The following TTC1 variants were observed in gnomAD, a reference collection of about 807,000 sequenced individuals.
TTC1 encodes the protein tetratricopeptide repeat protein 1.
TTC1 carries 31 observed loss-of-function variants against 37.6 expected under a neutral mutation model. The ratio of observed to expected loss-of-function variants is 0.82; its 90% CI spans 0.62 to 1.11. TTC1 has a LOEUF of 1.11. Ranked by LOEUF, TTC1 falls within the 50% of genes most tolerant of loss-of-function variation. The pLI is 0.00. For synonymous variants in TTC1, 127 were observed against 122.4 expected (o/e 1.04, Z -0.25); for missense variants, 351 against 339.0 (o/e 1.04, Z -0.28).
chr5:160,032,137 C>G (rs1756921774), intron 2 of TTC1, among the ~76,000 whole-genome samples: 1 of 152,196 alleles, frequency 6.6e-6, no homozygotes, highest in South Asian at 2.1e-4. Flanking sequence ...TGATTGGTCT[C>G]CTAAAACATG....
chr5:160,049,692 C>A, intron 6 of TTC1, 30 bp downstream of exon 6: 1 of 1,497,368 alleles, frequency 6.7e-7, no homozygotes, highest in Admixed American at 2.4e-5. Context: ...AAATATTTTT[C>A]CTTCTATTCT....
intron 7 of TTC1, among the ~76,000 whole-genome samples, chr5:160,058,376 A>G (rs907073522): frequency 1.3e-4 from 20 of 149,984 alleles, no homozygotes; most frequent in African/African-American, 4.9e-4. Context: ...TATTTTGACC[A>G]TCTCAGCAGC....
chr5:160,029,481 CAAAAAAAA>C (rs61227502), intron 2 of TTC1, among the ~76,000 whole-genome samples: 16 of 79,858 alleles, frequency 2.0e-4, no homozygotes, highest in Non-Finnish European at 3.6e-4. Context: ...CCCATCTCTA[CAAAAAAAA>C]AAAAAAAAAA....
intron 3 of TTC1, among the ~76,000 whole-genome samples, chr5:160,036,178 C>T (rs555463877): frequency 1.8e-4 from 27 of 152,178 alleles, no homozygotes; most frequent in African/African-American, 6.0e-4. Context: ...TTACATTGTT[C>T]CTTTTAGCTC....
In TTC1 at chr5:160,065,027, T is replaced by TC. The variant is rs1229835161; in HGVS notation, c.843dup (p.Ile282HisfsTer9). ...ACAGGATTCCTCTACCGGCTCGTACTCCATCAATTTCGTTCAAAATCCAAA... is the reference window on the plus strand; with the variant it reads ...ACAGGATTCCTCTACCGGCTCGTACTCCCATCAATTTCGTTCAAAATCCAAA... On this transcript the variant is annotated frameshift_variant, in exon 8 of 8. Transcript: ENST00000231238. LOFTEE classifies it high-confidence loss of function. 7 of 1,612,832 alleles carry TC rather than the reference T, an allele frequency of 4.3e-6. No individual in the cohort carries two copies. Among genetic ancestry groups the TC allele is most frequent in the Non-Finnish European group, 5.1e-6 (6 of 1,179,844 alleles).
chr5:160,031,006 AT>A (rs1229643357), intron 2 of TTC1, among the ~76,000 whole-genome samples: 1 of 152,180 alleles, frequency 6.6e-6, no homozygotes, highest in Non-Finnish European at 1.5e-5. Context: ...ACTATCTATC[AT>A]ATCTATCCTT....
At position 160,065,493 on chromosome 5, in the gene TTC1, C is replaced by T; in HGVS notation, c.*428C>T. ...CCTGATCACACAGCTAACGAGGCTGCCTCCAGCATTTCCTGATTTCCTCTG... is the reference window on the plus strand; with the variant it reads ...CCTGATCACACAGCTAACGAGGCTGTCTCCAGCATTTCCTGATTTCCTCTG... On this transcript the variant is annotated 3_prime_UTR_variant, in exon 8 of 8. Transcript: ENST00000231238. The T allele has an allele frequency of 4.6e-6, 2 of 436,776 alleles. No individual in the cohort carries two copies. The highest frequency in any genetic ancestry group is 1.4e-4 in the East Asian group (2 of 14,238). 27.1% of individuals were successfully genotyped at this position (436,776 alleles called of 1,614,324 possible).
intron 2 of TTC1, among the ~76,000 whole-genome samples, chr5:160,024,582 A>C (rs1261248745): frequency 6.6e-6 from 1 of 152,116 alleles, no homozygotes; most frequent in Non-Finnish European, 1.5e-5. Flanking sequence ...CTGCAGCCTC[A>C]AACTTACGGG....
At chr5:160,020,401 C>T (rs745548401) in intron 2 of TTC1, among the ~76,000 whole-genome samples, 1 of 152,146 alleles carries the variant, frequency 6.6e-6, no homozygotes, top group Non-Finnish European at 1.5e-5. Context: ...AGGAATGAAC[C>T]ACCCTGCCTG....
At chr5:160,011,826 A>T (rs923649419) in intron 2 of TTC1, among the ~76,000 whole-genome samples, 2 of 152,086 alleles carry the variant, frequency 1.3e-5, no homozygotes, top group African/African-American at 2.4e-5. Flanking sequence ...GCCACTAAGG[A>T]GCTCACTCAC....
chr5:160,016,272 G>A (rs375199167), intron 2 of TTC1, among the ~76,000 whole-genome samples: 4 of 152,194 alleles, frequency 2.6e-5, no homozygotes, highest in South Asian at 2.1e-4. Flanking sequence ...CAGCTACTTA[G>A]AAGGCTGAGG....
At chr5:160,038,116 A>G (rs1757027808) in intron 4 of TTC1, among the ~76,000 whole-genome samples, 1 of 151,836 alleles carries the variant, frequency 6.6e-6, no homozygotes, top group South Asian at 2.1e-4. Context: ...CTTGTGTAAG[A>G]TTCAATCTTC....
In TTC1 at chr5:160,051,180, T is replaced by G. The variant is rs775182903; in HGVS notation, c.742T>G (p.Leu248Val). 6.2e-7 allele frequency: 1 copy of G among 1,609,800 alleles called. No homozygotes were observed. Among genetic ancestry groups the G allele is most frequent in the Non-Finnish European group, 8.5e-7 (1 of 1,177,488 alleles). Residue 248 changes from leucine (L) to valine (V), a missense_variant, in exon 7 of 8, where the codon TTA becomes GTA. Physicochemically the swap from Leu to Val is conservative, Grantham distance 32 (BLOSUM62 1). Coordinates refer to ENST00000231238, the MANE Select transcript of TTC1 (RefSeq NM_003314.3). ...ERNERLKEEM[L>V]GKLKDLGNLV... ...TAATGAAAGACTAAAAGAAGAGATG[T>G]TAGGTAAGCTTACTTCTTACTTTGC...
At chr5:160,032,753 C>T (rs532516284) in intron 2 of TTC1, among the ~76,000 whole-genome samples, 25 of 114,838 alleles carry the variant, frequency 2.2e-4, no homozygotes, top group African/African-American at 7.2e-4. Flanking sequence ...CTCACTCTGT[C>T]GCCAGGCTAG....
At chr5:160,059,012 G>A (rs79505993) in intron 7 of TTC1, among the ~76,000 whole-genome samples, 12,443 of 152,210 alleles carry the variant, frequency 0.082, 699 homozygotes, top group Admixed American at 0.18. Flanking sequence ...AGTAGATTTA[G>A]CATCATTCTT....
At chr5:160,035,467 T>G (rs1756985358) in intron 3 of TTC1, among the ~76,000 whole-genome samples, 1 of 152,254 alleles carries the variant, frequency 6.6e-6, no homozygotes, top group Admixed American at 6.5e-5. Flanking sequence ...GTAAAACTCT[T>G]GAGCTCTTGC....
At chr5:160,064,091 C>T (rs1259450221) in intron 7 of TTC1, among the ~76,000 whole-genome samples, 1 of 151,960 alleles carries the variant, frequency 6.6e-6, no homozygotes, top group African/African-American at 2.4e-5. Flanking sequence ...GCCTCAGCCT[C>T]CCTAGTAGCT....
intron 2 of TTC1, among the ~76,000 whole-genome samples, chr5:160,013,281 G>A (rs1050206667): frequency 1.3e-5 from 2 of 152,024 alleles, no homozygotes; most frequent in African/African-American, 4.8e-5. Context: ...AGAAGCCAGC[G>A]AAACAGATTG....
At chr5:160,032,745 C>T (rs1198729402) in intron 2 of TTC1, among the ~76,000 whole-genome samples, 1 of 111,566 alleles carries the variant, frequency 9.0e-6, no homozygotes, top group Non-Finnish European at 1.7e-5. Context: ...GACGGAGTCT[C>T]ACTCTGTCGC....
Sources: allele counts gnomAD v4.1 joint callset (sites outside exome capture counted in the v4.1 genomes callset), GRCh38; gene constraint gnomAD v4.1.1; transcripts MANE v1.5; gene names NCBI Gene and HGNC (gene_info 2026-07-23, HGNC 2026-07-21).